The following SNX18 variants were observed in gnomAD, a reference collection of about 807,000 sequenced individuals.
The protein encoded by SNX18 is sorting nexin-18.
Under a neutral mutation model 48.7 loss-of-function variants are expected in SNX18, and 35 were observed. That is an observed-to-expected ratio of 0.72 (90% CI 0.55 to 0.95). The LOEUF (loss-of-function observed/expected upper bound fraction) is 0.95. SNX18 is among the 40% of genes least tolerant of loss of function. SNX18 has a pLI of 0.00. For synonymous variants in SNX18, 492 were observed against 384.7 expected (o/e 1.28, Z -3.26); for missense variants, 824 against 871.0 (o/e 0.95, Z 0.68).
the SNX18 span, among the ~76,000 whole-genome samples, chr5:54,603,971 A>G: frequency 1.3e-5 from 2 of 152,216 alleles, no homozygotes; most frequent in African/African-American, 4.8e-5. Flanking sequence ...GAACACTAAC[A>G]ATTACTGAAG....
chr5:54,642,589 G>C, the SNX18 span, among the ~76,000 whole-genome samples: 30 of 152,226 alleles, frequency 2.0e-4, no homozygotes, highest in African/African-American at 5.5e-4. Flanking sequence ...GTCTTTAGGA[G>C]GACCTATTTC....
Position 54,518,264 on chromosome 5 carries a change from C to CCAGGCGCTGCTGCAGCCACAG in SNX18, c.320_340dup (p.Leu107_Ala113dup). On this transcript the variant is annotated inframe_insertion, in exon 1 of 2. Transcript: ENST00000381410. ...CCTTCAAGCCGCCGCCTGACGCCTT[C>CCAGGCGCTGCTGCAGCCACAG]CAGGCGCTGCTGCAGCCACAGCAGG... The CCAGGCGCTGCTGCAGCCACAG allele has an allele frequency of 6.8e-7, 1 of 1,475,290 alleles. No individual in the cohort carries two copies. Among genetic ancestry groups the CCAGGCGCTGCTGCAGCCACAG allele is most frequent in the Non-Finnish European group, 8.9e-7 (1 of 1,119,182 alleles). The allele number at this position is 1,475,290 out of a possible 1,614,324, so 91.4% of individuals were successfully genotyped here.
At chr5:54,565,635 ATCTACTTTT>A in the SNX18 span, among the ~76,000 whole-genome samples, 1 of 152,156 alleles carries the variant, frequency 6.6e-6, no homozygotes, top group Non-Finnish European at 1.5e-5. Context: ...TTGTTCTGCA[ATCTACTTTT>A]TAAAAAGAAT....
At chr5:54,643,804 C>T in the SNX18 span, 1 of 152,204 alleles carries the variant, frequency 6.6e-6, no homozygotes, top group African/African-American at 2.4e-5. Flanking sequence ...CTGTGAGCCA[C>T]CGACTGATAC....
At chr5:54,641,634 C>T in the SNX18 span, among the ~76,000 whole-genome samples, 1 of 152,160 alleles carries the variant, frequency 6.6e-6, no homozygotes. Flanking sequence ...CTTTGAGTAT[C>T]TACTATTTCT....
the SNX18 span, among the ~76,000 whole-genome samples, chr5:54,553,524 A>G: frequency 3.3e-5 from 5 of 152,196 alleles, no homozygotes; most frequent in Non-Finnish European, 5.9e-5. Context: ...ATTAACAATC[A>G]TCTTGGTGTG....
the SNX18 span, among the ~76,000 whole-genome samples, chr5:54,584,539 CTTG>C: frequency 6.6e-6 from 1 of 152,048 alleles, no homozygotes; most frequent in African/African-American, 2.4e-5. Flanking sequence ...GGAGTGTGGC[CTTG>C]TTGTTCGAAA....
chr5:54,526,063 G>A (rs144901960), intron 1 of SNX18, among the ~76,000 whole-genome samples: 114 of 152,208 alleles, frequency 7.5e-4, no homozygotes, highest in Non-Finnish European at 1.4e-3. Flanking sequence ...CAGCTGGAGC[G>A]ACTTCTCTCT....
the SNX18 span, among the ~76,000 whole-genome samples, chr5:54,600,900 G>A: frequency 6.6e-6 from 1 of 152,172 alleles, no homozygotes; most frequent in Non-Finnish European, 1.5e-5. Flanking sequence ...CCTAGGTGAT[G>A]AGTTGATAGG....
chr5:54,567,919 TGAG>T, the SNX18 span, among the ~76,000 whole-genome samples: 1 of 152,226 alleles, frequency 6.6e-6, no homozygotes, highest in African/African-American at 2.4e-5. Context: ...TCTGTAGGAC[TGAG>T]AAGTTGCTGC....
chr5:54,556,686 T>C, the SNX18 span, among the ~76,000 whole-genome samples: 3 of 152,280 alleles, frequency 2.0e-5, no homozygotes, highest in East Asian at 5.8e-4. Context: ...GGGGTTGGTA[T>C]GCAGCTTACT....
chr5:54,631,028 G>A, the SNX18 span, among the ~76,000 whole-genome samples: 1 of 152,096 alleles, frequency 6.6e-6, no homozygotes, highest in Non-Finnish European at 1.5e-5. Flanking sequence ...ATGAATTTTA[G>A]AAAGCTGTAG....
chr5:54,621,237 A>G, the SNX18 span, among the ~76,000 whole-genome samples: 1 of 152,142 alleles, frequency 6.6e-6, no homozygotes, highest in Non-Finnish European at 1.5e-5. Flanking sequence ...AGAGAACTTC[A>G]TTCTAGTCTA....
the SNX18 span, among the ~76,000 whole-genome samples, chr5:54,586,909 C>G: frequency 6.6e-6 from 1 of 152,004 alleles, no homozygotes; most frequent in Non-Finnish European, 1.5e-5. Context: ...ATAGATATGT[C>G]TCACAAATAC....
the SNX18 span, among the ~76,000 whole-genome samples, chr5:54,564,874 A>C: frequency 2.2e-5 from 3 of 133,858 alleles, no homozygotes; most frequent in Admixed American, 7.4e-5. Flanking sequence ...AACAAACAAA[A>C]ACAAACAAAC....
chr5:54,591,317 C>G, the SNX18 span, among the ~76,000 whole-genome samples: 1 of 152,128 alleles, frequency 6.6e-6, no homozygotes, highest in African/African-American at 2.4e-5. Context: ...GTAGCTGGGA[C>G]TACAGGCCTG....
At chr5:54,558,890 T>C in the SNX18 span, among the ~76,000 whole-genome samples, 1 of 152,136 alleles carries the variant, frequency 6.6e-6, no homozygotes, top group African/African-American at 2.4e-5. Flanking sequence ...CCTGTAAACT[T>C]GCTGAAGATT....
rs1417493543 is a variant in SNX18, at chr5:54,518,407, A to G, written c.455A>G (p.Asp152Gly). Residue 152 changes from aspartate to glycine, a missense_variant, in exon 1 of 2, where the codon GAT becomes GGT. Asp to Gly is a moderately conservative substitution (Grantham distance 94). This residue lies in a region of SNX18 where 377 missense variants were observed against 350.6 expected (regional missense o/e 1.08). Transcript: ENST00000381410. ...GGYQASQGSD[D>G]DWDDEWDDSS... is the part of the protein sequence containing the mutation. ...TACCAGGCCAGCCAAGGCAGCGATGATGACTGGGACGACGAGTGGGACGAC... is the reference window on the plus strand; with the variant it reads ...TACCAGGCCAGCCAAGGCAGCGATGGTGACTGGGACGACGAGTGGGACGAC... 3 of 1,586,318 alleles carry G rather than the reference A, an allele frequency of 1.9e-6. No homozygotes were observed. The highest frequency in any genetic ancestry group is 1.1e-5 in the South Asian group (1 of 87,674).
the SNX18 span, among the ~76,000 whole-genome samples, chr5:54,565,681 G>A: frequency 1.3e-5 from 2 of 152,000 alleles, no homozygotes; most frequent in Non-Finnish European, 2.9e-5. Context: ...AAAACTTTAT[G>A]TACCTGTTTA....
Sources: gnomAD v4.1 joint callset for allele counts (sites outside exome capture counted in the v4.1 genomes callset) on GRCh38, gnomAD v4.1.1 for gene constraint, gnomAD v4.1.1 regional missense constraint, MANE v1.5 for transcripts, NCBI Gene and HGNC (gene_info 2026-07-23, HGNC 2026-07-21) for gene names.